The following UNC13B variants were observed in gnomAD, a reference collection of about 807,000 sequenced individuals.
UNC13B encodes unc-13 homolog B.
A neutral mutation model predicts 211.0 loss-of-function variants in UNC13B; 144 were observed. The ratio of observed to expected loss-of-function variants is 0.68; its 90% CI spans 0.60 to 0.78. The LOEUF (loss-of-function observed/expected upper bound fraction) is 0.78. UNC13B is among the 30% of genes least tolerant of loss of function. The probability of loss-of-function intolerance (pLI) is 0.00; values close to 1 mark genes in which losing one functional copy is unlikely to be tolerated. For synonymous variants in UNC13B, 709 were observed against 725.8 expected (o/e 0.98, Z 0.37); for missense variants, 1,777 against 2,002.0 (o/e 0.89, Z 2.14).
chr9:35,388,630 T>C (rs1052590626), intron 24 of UNC13B, among the ~76,000 whole-genome samples: 11 of 152,140 alleles, frequency 7.2e-5, no homozygotes, highest in African/African-American at 2.7e-4. Flanking sequence ...GAGGATTAGA[T>C]AGGATAATGT....
At chr9:35,273,795 T>C (rs1828022152) in intron 7 of UNC13B, among the ~76,000 whole-genome samples, 1 of 152,240 alleles carries the variant, frequency 6.6e-6, no homozygotes, top group South Asian at 2.1e-4. Flanking sequence ...GCTTTAGGCC[T>C]GTGGGCTGTG....
At chr9:35,255,608 A>G (rs1826834582) in intron 6 of UNC13B, among the ~76,000 whole-genome samples, 1 of 152,044 alleles carries the variant, frequency 6.6e-6, no homozygotes. Flanking sequence ...AGCAGGTAGA[A>G]GTGAGTTTTT....
chr9:35,297,919 T>A (rs910382373), intron 8 of UNC13B, among the ~76,000 whole-genome samples: 1 of 152,128 alleles, frequency 6.6e-6, no homozygotes, highest in African/African-American at 2.4e-5. Context: ...ATGCCGTATT[T>A]CTCCAGTGTA....
At chr9:35,359,761 C>A (rs549318674) in intron 11 of UNC13B, among the ~76,000 whole-genome samples, 1 of 152,202 alleles carries the variant, frequency 6.6e-6, no homozygotes, top group Non-Finnish European at 1.5e-5. Context: ...ACCTCCACCA[C>A]TGTCATCCTT....
At chr9:35,175,945 G>A (rs965168126) in intron 1 of UNC13B, among the ~76,000 whole-genome samples, 11 of 148,320 alleles carry the variant, frequency 7.4e-5, no homozygotes, top group Non-Finnish European at 1.5e-4. Flanking sequence ...AGAAATGCTT[G>A]AACCCAGAAA....
At chr9:35,272,245 T>C (rs552821785) in intron 7 of UNC13B, among the ~76,000 whole-genome samples, 103 of 150,852 alleles carry the variant, frequency 6.8e-4, no homozygotes, top group African/African-American at 2.4e-3. Context: ...TTTGTTTTTT[T>C]TGTTTTTTTT....
chr9:35,295,991 CAAG>C, intron 8 of UNC13B, 61 bp downstream of exon 8: 1 of 1,468,570 alleles, frequency 6.8e-7, no homozygotes, highest in Non-Finnish European at 9.3e-7. Flanking sequence ...ATGCAATTGG[CAAG>C]AAGAATTTGG....
chr9:35,171,231 A>G (rs928692926), intron 1 of UNC13B, among the ~76,000 whole-genome samples: 1 of 152,026 alleles, frequency 6.6e-6, no homozygotes, highest in Non-Finnish European at 1.5e-5. Flanking sequence ...CCTCCCAAGT[A>G]GGTGGGACTA....
intron 1 of UNC13B, among the ~76,000 whole-genome samples, chr9:35,191,118 C>T (rs1489034549): frequency 6.6e-6 from 1 of 152,086 alleles, no homozygotes; most frequent in Non-Finnish European, 1.5e-5. Flanking sequence ...AGCCACCACA[C>T]CCAGCTAATT....
At chr9:35,189,287 A>T (rs1822522505) in intron 1 of UNC13B, among the ~76,000 whole-genome samples, 1 of 152,204 alleles carries the variant, frequency 6.6e-6, no homozygotes, top group Non-Finnish European at 1.5e-5. Context: ...CCTGTTTAGT[A>T]AGTGTTTTTA....
intron 18 of UNC13B, 82 bp downstream of exon 18, chr9:35,380,721 C>T: frequency 1.3e-6 from 2 of 1,555,118 alleles, no homozygotes; most frequent in South Asian, 1.2e-5. Context: ...CCAAAACCAC[C>T]ATCTGTCCCC....
At chr9:35,202,764 C>A (rs1240165439) in intron 1 of UNC13B, among the ~76,000 whole-genome samples, 1 of 150,030 alleles carries the variant, frequency 6.7e-6, no homozygotes, top group Non-Finnish European at 1.5e-5. Flanking sequence ...AGATGGGTCT[C>A]CTGAATACAG....
At chr9:35,368,051 C>A (rs1026430544) in intron 12 of UNC13B, among the ~76,000 whole-genome samples, 2 of 152,106 alleles carry the variant, frequency 1.3e-5, no homozygotes, top group Non-Finnish European at 1.5e-5. Context: ...AATTTGTCAT[C>A]TTTAAAAAAA....
chr9:35,194,634 A>G (rs537650819), intron 1 of UNC13B, among the ~76,000 whole-genome samples: 2 of 152,248 alleles, frequency 1.3e-5, no homozygotes, highest in East Asian at 1.9e-4. Flanking sequence ...ACAGATGCCC[A>G]TTATTGATTT....
chr9:35,361,412 A>G (rs1022297222), intron 11 of UNC13B: 2 of 152,234 alleles, frequency 1.3e-5, no homozygotes, highest in African/African-American at 4.8e-5. Context: ...TAGCCAGTAT[A>G]GCAGTTCCTC....
At position 35,351,938 on chromosome 9, in the gene UNC13B, C is replaced by T. The variant is rs981077042; in HGVS notation, c.9415-15009C>T. 2.8e-5 allele frequency: 35 copies of T among 1,232,216 alleles called. No individual in the cohort carries two copies. The African/African-American group carries it at 5.3e-4, about 19-fold the overall frequency. 76.3% of individuals were successfully genotyped at this position (1,232,216 alleles called of 1,614,324 possible). Reference sequence around the variant, plus strand: ...AGGCTGTAGCCGTGAACAGCGGGAACCTTTGGGGGATGTAGTAGAATACAT... The same window carrying T: ...AGGCTGTAGCCGTGAACAGCGGGAATCTTTGGGGGATGTAGTAGAATACAT... On this transcript the variant is annotated intron_variant, in intron 11 of 39. Transcript: ENST00000635942.
In UNC13B at chr9:35,278,327, T is replaced by A. The variant is rs150035112; in HGVS notation, c.527-17369T>A. On this transcript the variant is annotated intron_variant, in intron 7 of 39. Transcript: ENST00000635942. Reference sequence around the variant, plus strand: ...AAATGTGTCGTAGAATTGAAAGTTTTGAGCCGCTTAAGATTTTGGTGGCTA... The same window carrying A: ...AAATGTGTCGTAGAATTGAAAGTTTAGAGCCGCTTAAGATTTTGGTGGCTA... Among the ~76,000 whole-genome samples the A allele has an allele frequency of 1.3e-3, 203 of 152,352 alleles. 1 individual carries two copies. The highest frequency in any genetic ancestry group is 4.7e-3 in the African/African-American group (195 of 41,594).
At chr9:35,323,108 C>T (rs1830822593) in intron 11 of UNC13B, among the ~76,000 whole-genome samples, 1 of 151,586 alleles carries the variant, frequency 6.6e-6, no homozygotes, top group African/African-American at 2.4e-5. Flanking sequence ...TCTCATGGAT[C>T]AGTCCAGAGT....
At chr9:35,299,930 G>A (rs951027169) in intron 8 of UNC13B, among the ~76,000 whole-genome samples, 8 of 152,076 alleles carry the variant, frequency 5.3e-5, no homozygotes, top group Admixed American at 5.2e-4. Context: ...TGACTATGAA[G>A]AGCAAGAAGA....
Sources: gnomAD v4.1 joint callset for allele counts (sites outside exome capture counted in the v4.1 genomes callset) on GRCh38, gnomAD v4.1.1 for gene constraint, MANE v1.5 for transcripts, NCBI Gene and HGNC (gene_info 2026-07-23, HGNC 2026-07-21) for gene names.